COL14A1: variants seen among roughly 807,000 people sequenced by gnomAD.
COL14A1 encodes collagen type XIV alpha 1 chain, also known as collagen alpha-1(XIV) chain.
COL14A1 carries 136 observed loss-of-function variants against 230.3 expected under a neutral mutation model. The ratio of observed to expected loss-of-function variants is 0.59; its 90% CI spans 0.51 to 0.68. COL14A1 has a LOEUF of 0.68. Ranked by LOEUF, COL14A1 falls within the 30% of genes least tolerant of loss-of-function variation. COL14A1 has a pLI of 0.00. For synonymous variants in COL14A1, 792 were observed against 784.1 expected, an observed-to-expected ratio of 1.01 and a Z score of -0.17; for missense variants, 1,976 against 2,215.8, an observed-to-expected ratio of 0.89 and a Z score of 2.17.
intron 8 of COL14A1, among the ~76,000 whole-genome samples, chr8:120,203,081 G>A (rs1342832344): frequency 6.9e-6 from 1 of 145,628 alleles, no homozygotes; most frequent in African/African-American, 2.5e-5. Flanking sequence ...TAAACCTGAA[G>A]CTTTGATAGT....
intron 2 of COL14A1, 56 bp downstream of exon 2, chr8:120,147,986 G>A: frequency 8.1e-7 from 1 of 1,231,604 alleles, no homozygotes; most frequent in Non-Finnish European, 1.2e-6. Flanking sequence ...TCTTGTTTCT[G>A]ATTATCATTT....
intron 45 of COL14A1, among the ~76,000 whole-genome samples, chr8:120,362,216 T>C (rs1344738774): frequency 6.6e-6 from 1 of 152,200 alleles, no homozygotes; most frequent in African/African-American, 2.4e-5. Context: ...TGTTGTTTCC[T>C]AGCTAAGGAC....
At chr8:120,312,426 A>G (rs565047459) in intron 37 of COL14A1, among the ~76,000 whole-genome samples, 2 of 152,316 alleles carry the variant, frequency 1.3e-5, no homozygotes, top group African/African-American at 4.8e-5. Flanking sequence ...AATTTTTTTA[A>G]CACAATCAAA....
intron 32 of COL14A1, 116 bp from the exon 33 acceptor site, chr8:120,285,745 A>G (rs1820175658): frequency 1.4e-6 from 1 of 695,256 alleles, no homozygotes; most frequent in Non-Finnish European, 2.4e-6. Flanking sequence ...TCATCACATC[A>G]TTCTAAATAC....
intron 1 of COL14A1, among the ~76,000 whole-genome samples, chr8:120,142,369 G>A (rs1328926347): frequency 6.6e-6 from 1 of 152,080 alleles, no homozygotes; most frequent in Non-Finnish European, 1.5e-5. Flanking sequence ...ATACTTGTTT[G>A]GATAATCCAC....
In COL14A1 at chr8:120,225,275, G is replaced by A; in HGVS notation, c.1864+61G>A. 11 of 1,419,330 alleles carry A rather than the reference G, an allele frequency of 7.8e-6. No individual in the cohort carries two copies. The South Asian group carries it at 1.4e-4, about 18-fold the overall frequency. 87.9% of individuals were successfully genotyped at this position (1,419,330 alleles called of 1,614,324 possible). On this transcript the variant is annotated intron_variant, in intron 15 of 47. Transcript: ENST00000297848. ...AGTAGCTATTAATATATAGAAACCA[G>A]AACCTGGAGCACCTTCTTTATTTGT... is the stretch of plus-strand genomic sequence containing the variant.
chr8:120,265,641 ATG>A (rs139005711), intron 24 of COL14A1, among the ~76,000 whole-genome samples: 100 of 150,324 alleles, frequency 6.7e-4, no homozygotes, highest in African/African-American at 1.9e-3. Flanking sequence ...AGGTATATAT[ATG>A]TGTGTGTGTG....
intron 41 of COL14A1, 22 bp downstream of exon 41, chr8:120,332,216 T>C: frequency 6.2e-7 from 1 of 1,606,504 alleles, no homozygotes; most frequent in Non-Finnish European, 8.5e-7. Flanking sequence ...CAGAAACTAC[T>C]GGGACATACT....
intron 42 of COL14A1, among the ~76,000 whole-genome samples, chr8:120,333,219 A>C (rs1389980332): frequency 6.6e-6 from 1 of 152,234 alleles, no homozygotes; most frequent in South Asian, 2.1e-4. Context: ...AACATAATGA[A>C]CAGAATTCTT....
chr8:120,237,388 C>G (rs1433146890), intron 19 of COL14A1, among the ~76,000 whole-genome samples: 2 of 152,144 alleles, frequency 1.3e-5, no homozygotes, highest in Non-Finnish European at 2.9e-5. Context: ...TCCTTTCTTT[C>G]ACTTGATCAA....
In COL14A1 at chr8:120,329,921, G is replaced by GT. The variant is rs532320128; in HGVS notation, c.4660-2218dup. 1.5e-3 allele frequency among the ~76,000 whole-genome samples: 235 copies of GT among 152,244 alleles called. 3 individuals carry two copies. In the Middle Eastern group the frequency reaches 0.017, roughly 11 times the overall value. ...AGCAAGGGTGGGTGGAGGAGTGGGG[G>GT]TTAGGGGGTCTCTGCTCCACACAGT... On this transcript the variant is annotated intron_variant, in intron 40 of 47. Coordinates refer to ENST00000297848, the MANE Select transcript of COL14A1 (RefSeq NM_021110.4).
chr8:120,286,013 T>C, intron 33 of COL14A1, 43 bp downstream of exon 33: 1 of 1,148,388 alleles, frequency 8.7e-7, no homozygotes. Flanking sequence ...TTCTATTTGC[T>C]ATTGAACAAA....
At chr8:120,216,988 C>T (rs758062134) in intron 14 of COL14A1, among the ~76,000 whole-genome samples, 3 of 152,172 alleles carry the variant, frequency 2.0e-5, no homozygotes, top group Non-Finnish European at 4.4e-5. Context: ...TCACCAGCTT[C>T]ACCCAGATTT....
At chr8:120,370,596 T>C in intron 47 of COL14A1, 26 of 1,452,528 alleles carry the variant, frequency 1.8e-5, no homozygotes, top group South Asian at 8.6e-5. Flanking sequence ...ATGTCTATTT[T>C]AATAGACACT....
intron 23 of COL14A1, among the ~76,000 whole-genome samples, chr8:120,257,776 G>A (rs1819203663): frequency 6.6e-6 from 1 of 152,138 alleles, no homozygotes; most frequent in South Asian, 2.1e-4. Context: ...CCCATGTGTT[G>A]GAATGAAGCT....
intron 12 of COL14A1, among the ~76,000 whole-genome samples, chr8:120,210,384 G>A (rs1432733476): frequency 1.3e-5 from 2 of 152,086 alleles, no homozygotes; most frequent in Non-Finnish European, 2.9e-5. Context: ...CAAAGGGTAG[G>A]CAAATTATTA....
chr8:120,185,144 A>C (rs1336714542), intron 5 of COL14A1, among the ~76,000 whole-genome samples: 1 of 152,202 alleles, frequency 6.6e-6, no homozygotes, highest in Admixed American at 6.5e-5. Flanking sequence ...ATTTCCACCC[A>C]CGATTGGATT....
chr8:120,337,664 C>A (rs1822132471), intron 42 of COL14A1, among the ~76,000 whole-genome samples: 1 of 152,122 alleles, frequency 6.6e-6, no homozygotes, highest in Non-Finnish European at 1.5e-5. Context: ...GCTGTATTTT[C>A]TTTTCTTTAC....
intron 4 of COL14A1, among the ~76,000 whole-genome samples, chr8:120,167,563 G>T (rs1815948362): frequency 6.6e-6 from 1 of 152,278 alleles, no homozygotes; most frequent in Admixed American, 6.5e-5. Flanking sequence ...TTATTAAAAG[G>T]CCAAGGGGCA....
Sources: gnomAD v4.1 joint callset for allele counts (sites outside exome capture counted in the v4.1 genomes callset) on GRCh38, gnomAD v4.1.1 for gene constraint, MANE v1.5 for transcripts, NCBI Gene and HGNC (gene_info 2026-07-23, HGNC 2026-07-21) for gene names.